Variants in TRIOBP observed in about 807,000 individuals in gnomAD.
The protein encoded by TRIOBP is TRIO and F-actin binding protein.
TRIOBP carries 169 observed loss-of-function variants against 238.8 expected under a neutral mutation model. That is an observed-to-expected ratio of 0.71 (90% CI 0.62 to 0.80). TRIOBP has a LOEUF of 0.80. TRIOBP is among the 30% of genes least tolerant of loss of function. The probability of loss-of-function intolerance (pLI) is 0.00; values close to 1 mark genes in which losing one functional copy is unlikely to be tolerated. For missense variants in TRIOBP, 2,838 were observed against 3,122.6 expected (o/e 0.91, Z 2.17); for synonymous variants, 1,150 against 1,274.4 (o/e 0.90, Z 2.08).
intron 10 of TRIOBP, among the ~76,000 whole-genome samples, chr22:37,739,886 C>G (rs1047924786): frequency 6.6e-6 from 1 of 152,206 alleles, no homozygotes; most frequent in East Asian, 1.9e-4. Flanking sequence ...GAAACGGGCC[C>G]GGCCCATCAA....
intron 3 of TRIOBP, among the ~76,000 whole-genome samples, chr22:37,709,538 G>C (rs1024522609): frequency 6.6e-6 from 1 of 152,216 alleles, no homozygotes; most frequent in Non-Finnish European, 1.5e-5. Flanking sequence ...CCGGGGACGA[G>C]GGTGCTGACA....
Position 37,757,658 on chromosome 22 carries a change from C to A in TRIOBP, c.5733C>A (p.Thr1911=). Residue 1911 remains threonine (T), a synonymous_variant, in exon 16 of 24, where the codon ACC becomes ACA. Coordinates refer to ENST00000644935, the MANE Select transcript of TRIOBP (RefSeq NM_001039141.3). The part of the protein sequence containing the change: ...NKENALHSYS[T]QKGPLKAGEQ... ...AGAACGCGCTGCACAGCTACAGCAC[C>A]CAGAAGGGCCCCCTGAAGGCAGGGG... is the stretch of plus-strand genomic sequence containing the variant. The A allele has an allele frequency of 6.3e-7, 1 of 1,590,394 alleles. No individual in the cohort carries two copies. Among genetic ancestry groups the A allele is most frequent in the Non-Finnish European group, 8.5e-7 (1 of 1,169,968 alleles).
At chr22:37,755,952 G>A (rs981259314) in intron 15 of TRIOBP, among the ~76,000 whole-genome samples, 2 of 152,192 alleles carry the variant, frequency 1.3e-5, no homozygotes, top group South Asian at 4.1e-4. Context: ...CGTGGGGGCC[G>A]TGTCTAAGCC....
intron 1 of TRIOBP, among the ~76,000 whole-genome samples, 157 bp from the exon 2 acceptor site, chr22:37,697,431 C>A (rs901396638): frequency 6.6e-6 from 1 of 152,122 alleles, no homozygotes; most frequent in African/African-American, 2.4e-5. Context: ...GAGAAACGCC[C>A]AGGACGGGCG....
At chr22:37,773,555 C>G (rs1362610004) in intron 23 of TRIOBP, among the ~76,000 whole-genome samples, 2 of 152,208 alleles carry the variant, frequency 1.3e-5, no homozygotes, top group Non-Finnish European at 2.9e-5. Context: ...AACGCCACAT[C>G]TACCTGGAGC....
At chr22:37,766,334 G>A (rs559382575) in intron 18 of TRIOBP, among the ~76,000 whole-genome samples, 1 of 152,356 alleles carries the variant, frequency 6.6e-6, no homozygotes, top group South Asian at 2.1e-4. Flanking sequence ...CACCTGCTGT[G>A]TGCCTGGCAC....
rs138511176 is a variant in TRIOBP, at chr22:37,698,827, G to A, written c.-61+1131G>A. On this transcript the variant is annotated intron_variant, in intron 2 of 23. Coordinates refer to ENST00000644935, the MANE Select transcript of TRIOBP (RefSeq NM_001039141.3). ...ACTGCACTCCAGCCTGGGTGACAGA[G>A]CAAGACCCTGCCCCCACCTCCCCAA... Among the ~76,000 whole-genome samples, 403 of 151,908 alleles carry A rather than the reference G, an allele frequency of 2.7e-3. 2 individuals are homozygous for A. The highest frequency in any genetic ancestry group is 9.3e-3 in the African/African-American group (387 of 41,442).
chr22:37,765,665 C>G lies in TRIOBP; in HGVS notation c.6325-5C>G. The G allele has an allele frequency of 6.5e-7, 1 of 1,549,686 alleles. No individual in the cohort carries two copies. Among genetic ancestry groups the G allele is most frequent in the South Asian group, 1.2e-5 (1 of 84,000 alleles). ...GCCTGTGACACCCTGGCGTCCGGCC[C>G]ACAGGAGGCATGTGAGCGCAGCCTG... On this transcript the variant is annotated splice_polypyrimidine_tract_variant and splice_region_variant and intron_variant, in intron 17 of 23. Coordinates refer to ENST00000644935, the MANE Select transcript of TRIOBP (RefSeq NM_001039141.3).
intron 5 of TRIOBP, among the ~76,000 whole-genome samples, chr22:37,714,513 A>C (rs532959789): frequency 1.6e-4 from 24 of 152,270 alleles, no homozygotes; most frequent in African/African-American, 5.5e-4. Flanking sequence ...TACTAAAAAT[A>C]CAAAAATTAG....
At position 37,725,290 on chromosome 22, in the gene TRIOBP, C is replaced by T. The variant is rs768606841; in HGVS notation, c.2734C>T (p.Arg912Trp). ...CATCCCCTGGGCCTCGTTTCCCCTC[C>T]GGCCAACTCAGAGTGATGGTCCCCG... ...KDIPWASFPLRPTQSDGPRTS... is the reference protein window; with the variant it reads ...KDIPWASFPLWPTQSDGPRTS... Residue 912 changes from arginine (R) to tryptophan (W), a missense_variant, in exon 7 of 24, where the codon CGG (arginine) becomes TGG (tryptophan). Coordinates refer to ENST00000644935, the MANE Select transcript of TRIOBP (RefSeq NM_001039141.3). The T allele has an allele frequency of 9.3e-6, 15 of 1,613,814 alleles. No homozygotes were observed. The highest frequency in any genetic ancestry group is 4.5e-5 in the East Asian group (2 of 44,890).
At chr22:37,746,254 G>C in intron 11 of TRIOBP, 2 of 1,088,692 alleles carry the variant, frequency 1.8e-6, no homozygotes, top group Non-Finnish European at 2.2e-6. Context: ...GGATGGAAGG[G>C]GCCGGGGCAG....
At chr22:37,715,740 T>A (rs1351167728) in intron 5 of TRIOBP, 23 bp from the exon 6 acceptor site, 1 of 1,612,818 alleles carries the variant, frequency 6.2e-7, no homozygotes, top group Non-Finnish European at 8.5e-7. Flanking sequence ...GCAAACATAC[T>A]TTCTCCTCCC....
chr22:37,726,405 C>A lies in TRIOBP; in HGVS notation c.3849C>A (p.Ala1283=). 1 of 1,584,652 alleles carries A rather than the reference C, an allele frequency of 6.3e-7. No individual in the cohort carries two copies. The highest frequency in any genetic ancestry group is 8.6e-7 in the Non-Finnish European group (1 of 1,165,696). The change falls in exon 7 of 24, where the codon GCC becomes GCA. Residue 1283 remains alanine, a synonymous_variant. Transcript: ENST00000644935. ...ACCTGCCCCCACCCAGGAGGCTGGC[C>A]CAGAGACAGCCAGGGCCCCAGGCGC... ...LADLPPPRRL[A]QRQPGPQAQC...
chr22:37,703,127 C>T (rs536289675), intron 3 of TRIOBP, among the ~76,000 whole-genome samples: 4 of 152,098 alleles, frequency 2.6e-5, no homozygotes, highest in East Asian at 3.9e-4. Flanking sequence ...TCCTGAGTAC[C>T]TGGGATTACA....
rs1601666576 is a variant in TRIOBP at position 37,765,887 on chromosome 22, C to G, written c.6472+70C>G. 13 of 1,504,236 alleles carry G rather than the reference C, an allele frequency of 8.6e-6. No individual in the cohort carries two copies. In the East Asian group the frequency reaches 3.1e-4, roughly 36 times the overall value. The allele number at this position is 1,504,236 out of a possible 1,614,324, so 93.2% of individuals were successfully genotyped here. A position where few individuals can be genotyped will look rare whatever the true frequency, so the allele number is the denominator to read the frequency against. ...TGTGCTGAGGTTCCTCCTAGCCAAA[C>G]TGGGGAGGATTTTATCAAATAAGAT... On this transcript the variant is annotated intron_variant, in intron 18 of 23. Coordinates refer to ENST00000644935, the MANE Select transcript of TRIOBP (RefSeq NM_001039141.3).
chr22:37,697,835 C>G, intron 2 of TRIOBP, 139 bp downstream of exon 2: 1 of 152,190 alleles, frequency 6.6e-6, no homozygotes, highest in East Asian at 1.9e-4. Context: ...TTCTCCTGAC[C>G]CAGCTCCACT....
chr22:37,765,891 G>A, intron 18 of TRIOBP, 74 bp downstream of exon 18: 3 of 1,499,018 alleles, frequency 2.0e-6, no homozygotes, highest in Non-Finnish European at 2.7e-6. Context: ...GCCAAACTGG[G>A]GAGGATTTTA....
chr22:37,751,519 G>A (rs1301414220), intron 11 of TRIOBP: 1 of 559,088 alleles, frequency 1.8e-6, no homozygotes, highest in South Asian at 2.0e-5. Flanking sequence ...ACATCTGGGT[G>A]TGTGTGCCAG....
intron 11 of TRIOBP, 59 bp from the exon 12 acceptor site, chr22:37,751,713 A>G: frequency 6.3e-7 from 1 of 1,591,666 alleles, no homozygotes; most frequent in Non-Finnish European, 8.6e-7. Flanking sequence ...CGCTCCCCTC[A>G]CCAGCCCCCA....
Sources: allele counts gnomAD v4.1 joint callset (sites outside exome capture counted in the v4.1 genomes callset), GRCh38; gene constraint gnomAD v4.1.1; transcripts MANE v1.5; gene names NCBI Gene and HGNC (gene_info 2026-07-23, HGNC 2026-07-21).